SFI1: variants seen among roughly 807,000 people sequenced by gnomAD.
SFI1 encodes the protein protein SFI1 homolog.
Under a neutral mutation model 207.5 loss-of-function variants are expected in SFI1, and 195 were observed. The observed-to-expected ratio is 0.94, with a 90% CI of 0.84 to 1.06. The LOEUF is 1.06. Ranked by LOEUF, SFI1 falls within the 50% of genes least tolerant of loss-of-function variation. The pLI, the probability that SFI1 is intolerant of heterozygous loss-of-function variation, is 0.00. For synonymous variants in SFI1, 630 were observed against 598.9 expected, an observed-to-expected ratio of 1.05 and a Z score of -0.76; for missense variants, 1,634 against 1,588.0, an observed-to-expected ratio of 1.03 and a Z score of -0.49.
Position 31,528,818 on chromosome 22 carries a change from C to T in SFI1, c.221C>T (p.Thr74Ile), listed in dbSNP as rs371527787. Residue 74 changes from threonine to isoleucine, a missense_variant, in exon 3 of 33, where the codon ACA becomes ATA. Thr to Ile is a moderately conservative substitution (Grantham distance 89). Transcript: ENST00000400288. ...AGTCATCTAGTGCAGTATCGTGGCACACATACTTGTACCCGACAGGGCCGG... is the reference window on the plus strand; with the variant it reads ...AGTCATCTAGTGCAGTATCGTGGCATACATACTTGTACCCGACAGGGCCGG... ...STSHLVQYRG[T>I]HTCTRQGRLR... 6.1e-5 allele frequency: 99 copies of T among 1,614,098 alleles called. No individual in the cohort carries two copies. In the East Asian group the frequency reaches 2.1e-3, roughly 34 times the overall value.
chr22:31,545,120 A>AT (rs1397093453), intron 4 of SFI1, among the ~76,000 whole-genome samples: 3 of 152,174 alleles, frequency 2.0e-5, no homozygotes, highest in Non-Finnish European at 4.4e-5. Flanking sequence ...TAATCCCAGC[A>AT]TTTTGGGAGG....
At chr22:31,573,459 T>C (rs1349851152) in intron 9 of SFI1, among the ~76,000 whole-genome samples, 1 of 150,290 alleles carries the variant, frequency 6.7e-6, no homozygotes, top group Non-Finnish European at 1.5e-5. Context: ...TTTTTTGAGA[T>C]GGAGTTTCGC....
intron 2 of SFI1, among the ~76,000 whole-genome samples, chr22:31,511,097 G>A (rs1010676789): frequency 3.3e-5 from 5 of 152,140 alleles, no homozygotes; most frequent in Non-Finnish European, 2.9e-5. Context: ...GTGGGAGAGA[G>A]AACTGTTTGA....
At chr22:31,580,466 C>G in intron 12 of SFI1, 102 bp downstream of exon 12, 2 of 493,906 alleles carry the variant, frequency 4.0e-6, no homozygotes, top group Non-Finnish European at 5.9e-6. Flanking sequence ...TTTAAAAAAA[C>G]TTTTTGTGCT....
At chr22:31,602,557 CCT>C in intron 16 of SFI1, 48 bp from the exon 17 acceptor site, 1 of 1,590,954 alleles carries the variant, frequency 6.3e-7, no homozygotes, top group South Asian at 1.1e-5. Context: ...GGCTTCTGTG[CCT>C]CTCTCCTACT....
chr22:31,606,551 A>G, intron 21 of SFI1, 121 bp downstream of exon 21: 1 of 711,210 alleles, frequency 1.4e-6, no homozygotes, highest in South Asian at 1.8e-5. Context: ...GAAAATGGGT[A>G]ACTTTCCTCC....
intron 11 of SFI1, among the ~76,000 whole-genome samples, chr22:31,579,408 G>A (rs1043067282): frequency 5.3e-5 from 8 of 150,808 alleles, no homozygotes; most frequent in East Asian, 2.0e-4. Flanking sequence ...CTCTGCCTCC[G>A]GGGTTCACGC....
intron 6 of SFI1, among the ~76,000 whole-genome samples, chr22:31,555,027 C>T (rs1164574135): frequency 6.6e-6 from 1 of 152,086 alleles, no homozygotes; most frequent in Admixed American, 6.6e-5. Context: ...GAGAACAAGA[C>T]TTAGTATGAT....
At chr22:31,578,477 G>A (rs1468804182) in intron 11 of SFI1, 25 bp downstream of exon 11, 1 of 1,606,540 alleles carries the variant, frequency 6.2e-7, no homozygotes, top group African/African-American at 1.3e-5. Context: ...TCCTGGCACG[G>A]GTCCGCTTGG....
rs5998022 is a variant in SFI1, at chr22:31,511,932, G to A, written c.92+3556G>A. The stretch of plus-strand genomic sequence containing the variant: ...CTCCCAAAGTGCTGGGATTACAGGT[G>A]TGAGTCACCGTGCCCCAGCCTTAGG... On this transcript the variant is annotated intron_variant, in intron 2 of 32. Coordinates refer to ENST00000400288, the MANE Select transcript of SFI1 (RefSeq NM_001007467.3). 1.9e-3 allele frequency among the ~76,000 whole-genome samples: 287 copies of A among 152,238 alleles called. 1 individual carries two copies. Among genetic ancestry groups the A allele is most frequent in the African/African-American group, 6.6e-3 (275 of 41,546 alleles).
At chr22:31,617,851 CAG>C (rs1228093421) in intron 31 of SFI1, among the ~76,000 whole-genome samples, 1 of 152,174 alleles carries the variant, frequency 6.6e-6, no homozygotes, top group African/African-American at 2.4e-5. Context: ...TGGCTCTGCA[CAG>C]GGGGAGAGAG....
chr22:31,533,963 A>G (rs941870048), intron 4 of SFI1, among the ~76,000 whole-genome samples: 3 of 152,202 alleles, frequency 2.0e-5, no homozygotes, highest in Non-Finnish European at 4.4e-5. Context: ...TTTTCATTCA[A>G]ATACAAATGT....
At chr22:31,593,823 G>T (rs9609333) in intron 15 of SFI1, among the ~76,000 whole-genome samples, 1 of 144,394 alleles carries the variant, frequency 6.9e-6, no homozygotes, top group South Asian at 2.3e-4. Context: ...GCGAAACCCC[G>T]TCTCCACCAA....
In SFI1 at chr22:31,604,901, G is replaced by A. The variant is rs780667969; in HGVS notation, c.2010G>A (p.Arg670=). 2.5e-6 allele frequency: 4 copies of A among 1,611,792 alleles called. No homozygotes were observed. The highest frequency in any genetic ancestry group is 1.1e-5 in the South Asian group (1 of 90,888). ...AGGGCAGGGTGCGAAGCATCCTCCG[G>A]GAGGTGGCAGCCAGGGAGAGCCAGC... The part of the protein sequence containing the change: ...TYQGRVRSIL[R]EVAARESQHN... The change falls in exon 20 of 33, where the codon CGG becomes CGA. Residue 670 remains arginine (R), a synonymous_variant. Coordinates refer to ENST00000400288, the MANE Select transcript of SFI1 (RefSeq NM_001007467.3).
chr22:31,574,013 T>G (rs2063220837), intron 9 of SFI1, among the ~76,000 whole-genome samples: 1 of 152,222 alleles, frequency 6.6e-6, no homozygotes, highest in Non-Finnish European at 1.5e-5. Flanking sequence ...ATGCATGTGA[T>G]TTTGATGTTG....
intron 15 of SFI1, among the ~76,000 whole-genome samples, chr22:31,598,136 C>T (rs1303836018): frequency 6.6e-6 from 1 of 151,550 alleles, no homozygotes; most frequent in Admixed American, 6.6e-5. Context: ...CACCACCACA[C>T]CCGGCTAATT....
At chr22:31,610,663 C>T (rs976535226) in intron 22 of SFI1, among the ~76,000 whole-genome samples, 4 of 152,372 alleles carry the variant, frequency 2.6e-5, no homozygotes, top group East Asian at 1.9e-4. Context: ...TGGCGACCAG[C>T]GCTGTCCTCC....
At chr22:31,542,660 T>TATTTATTTATTC (rs1369994649) in intron 4 of SFI1, among the ~76,000 whole-genome samples, 2 of 151,888 alleles carry the variant, frequency 1.3e-5, no homozygotes, top group Admixed American at 1.3e-4. Context: ...ATTATTTATT[T>TATTTATTTATTC]ATTTATTTAT....
intron 15 of SFI1, among the ~76,000 whole-genome samples, chr22:31,600,688 T>A (rs750431439): frequency 2.0e-5 from 3 of 152,224 alleles, no homozygotes; most frequent in Non-Finnish European, 4.4e-5. Flanking sequence ...GAGGCTCTGC[T>A]TAGCCTCCCT....
Sources: gnomAD v4.1 joint callset for allele counts (sites outside exome capture counted in the v4.1 genomes callset) on GRCh38, gnomAD v4.1.1 for gene constraint, MANE v1.5 for transcripts, NCBI Gene and HGNC (gene_info 2026-07-23, HGNC 2026-07-21) for gene names.